The following HLA-DRB5 variants were observed in gnomAD, a reference collection of about 807,000 sequenced individuals.
HLA-DRB5 encodes the protein DR beta-5.
A neutral mutation model predicts 22.4 loss-of-function variants in HLA-DRB5; 11 were observed. The observed-to-expected ratio is 0.49, with a 90% CI of 0.31 to 0.81. The LOEUF is 0.81. Among genes scored for constraint, HLA-DRB5 ranks in the 40% least tolerant of loss-of-function variants. HLA-DRB5 has a pLI of 0.05. For synonymous variants in HLA-DRB5, 57 were observed against 106.0 expected, an observed-to-expected ratio of 0.54 and a Z score of 2.84; for missense variants, 106 against 274.4, an observed-to-expected ratio of 0.39 and a Z score of 4.34.
chr6:32,528,332 A>ACCT (rs1554269168), intron 1 of HLA-DRB5, among the ~76,000 whole-genome samples: 2,554 of 109,628 alleles, frequency 0.023, 230 homozygotes, highest in Admixed American at 0.046. Context: ...CTCTTGTGTA[A>ACCT]CCTTGAGAGT....
At chr6:32,526,814 T>C (rs112158862) in intron 1 of HLA-DRB5, among the ~76,000 whole-genome samples, 3,997 of 26,526 alleles carry the variant, frequency 0.15, 1,859 homozygotes, top group Middle Eastern at 0.46. Flanking sequence ...TCACTGCGCC[T>C]GGCCCACCAT....
chr6:32,522,614 A>T (rs149079064), intron 1 of HLA-DRB5, among the ~76,000 whole-genome samples: 1,114 of 29,450 alleles, frequency 0.038, 170 homozygotes, highest in Middle Eastern at 0.075. Context: ...ACCTTGTGCC[A>T]GGCTTGCACT....
intron 1 of HLA-DRB5, among the ~76,000 whole-genome samples, chr6:32,524,004 C>CA (rs1769281724): frequency 3.9e-5 from 1 of 25,520 alleles, no homozygotes; most frequent in African/African-American, 1.6e-4. Context: ...AAAAATTGCT[C>CA]AAACATTGCC....
chr6:32,523,906 G>A (rs796479700), intron 1 of HLA-DRB5, among the ~76,000 whole-genome samples: 3 of 82,934 alleles, frequency 3.6e-5, no homozygotes, highest in African/African-American at 4.1e-5. Context: ...TGTTGGTAAA[G>A]GAGGCTGTTC....
intron 1 of HLA-DRB5, among the ~76,000 whole-genome samples, chr6:32,529,194 G>GTCCACATTGTCTCA (rs1770016711): frequency 7.6e-6 from 1 of 132,366 alleles, no homozygotes; most frequent in African/African-American, 2.8e-5. Context: ...TATGAGATGT[G>GTCCACATTGTCTCA]AACAATGTCC....
Position 32,530,116 on chromosome 6 carries a change from T to C in HLA-DRB5, c.100+9A>G. ...CCATAGTAGCTCAGCACCCACAATG[T>C]GCACTTACGTCGGGTGTCCCCAGCC... On this transcript the variant is annotated intron_variant, in intron 1 of 5. Transcript: ENST00000374975. 2 of 1,536,016 alleles carry C rather than the reference T, an allele frequency of 1.3e-6. No homozygotes were observed. Among genetic ancestry groups the C allele is most frequent in the Non-Finnish European group, 8.9e-7 (1 of 1,118,132 alleles).
At chr6:32,524,433 T>C (rs1769336696) in intron 1 of HLA-DRB5, among the ~76,000 whole-genome samples, 1 of 123,568 alleles carries the variant, frequency 8.1e-6, no homozygotes, top group African/African-American at 3.1e-5. Flanking sequence ...TCTTTCAGTC[T>C]CCCACTCCCA....
intron 1 of HLA-DRB5, among the ~76,000 whole-genome samples, chr6:32,525,734 C>G (rs1769531434): frequency 1.4e-5 from 2 of 139,300 alleles, no homozygotes; most frequent in South Asian, 4.4e-4. Context: ...ACAGATACAG[C>G]AGGATCATTA....
intron 1 of HLA-DRB5, among the ~76,000 whole-genome samples, chr6:32,522,379 C>A (rs1253092587): frequency 3.2e-3 from 147 of 46,176 alleles, no homozygotes; most frequent in Admixed American, 6.1e-3. Context: ...GGCAGGAAAA[C>A]CCCTTCTGAT....
chr6:32,525,924 ACC>A (rs1336207310), intron 1 of HLA-DRB5, among the ~76,000 whole-genome samples: 2 of 39,250 alleles, frequency 5.1e-5, no homozygotes, highest in Middle Eastern at 0.019. Context: ...TGGCTGTGTG[ACC>A]TCTTCATGAG....
chr6:32,517,400 G>T lies in HLA-DRB5; in HGVS notation c.*339C>A. On this transcript the variant is annotated 3_prime_UTR_variant, in exon 6 of 6. Transcript: ENST00000374975. The stretch of plus-strand genomic sequence containing the variant: ...TTTTATTTTTTGTCTTTGGAGCCAG[G>T]TGGACAGATGATTTTTAACTCTGGG... 3.2e-5 allele frequency: 2 copies of T among 63,336 alleles called. 1 individual carries two copies. The highest frequency in any genetic ancestry group is 5.8e-5 in the Non-Finnish European group (2 of 34,242). 3.9% of individuals were successfully genotyped at this position (63,336 alleles called of 1,614,324 possible). A position where few individuals can be genotyped will look rare whatever the true frequency, so the allele number is the denominator to read the frequency against.
rs1447401618 is a variant in HLA-DRB5 at position 32,526,270 on chromosome 6, C to T, written c.100+3855G>A. On this transcript the variant is annotated intron_variant, in intron 1 of 5. Coordinates refer to ENST00000374975, the MANE Select transcript of HLA-DRB5 (RefSeq NM_002125.4). The stretch of plus-strand genomic sequence containing the variant: ...ACCCTCCTCTTAGTGGTACTCACCA[C>T]AATTGGCCTCTCCCTTCTCCTTGAA... Among the ~76,000 whole-genome samples, 21 of 41,812 alleles carry T rather than the reference C, an allele frequency of 5.0e-4. 8 individuals carry two copies. Among genetic ancestry groups the T allele is most frequent in the African/African-American group, 1.9e-3 (21 of 11,116 alleles). 27.4% of individuals were successfully genotyped at this position (41,812 alleles called of 152,430 possible).
At chr6:32,523,335 C>T (rs114795116) in intron 1 of HLA-DRB5, among the ~76,000 whole-genome samples, 3 of 42,768 alleles carry the variant, frequency 7.0e-5, no homozygotes, top group African/African-American at 1.8e-4. Context: ...TACATGTAAA[C>T]ATACATACAT....
Position 32,518,584 on chromosome 6 carries a change from C to A in HLA-DRB5, c.735G>T (p.Gly245=), listed in dbSNP as rs1173640402. The change falls in exon 4 of 6, where the codon GGG becomes GGT. Residue 245 remains glycine, a synonymous_variant. Coordinates refer to ENST00000374975, the MANE Select transcript of HLA-DRB5 (RefSeq NM_002125.4). ...TCTGATTCTTGAAGTAGATGAATAG[C>A]CCGGCCCCAAGGAAGAGCAGGCCCA... ...FVLGLLFLGA[G]LFIYFKNQKG... is the part of the protein sequence containing the mutation. The A allele has an allele frequency of 6.5e-5, 39 of 603,170 alleles. No homozygotes were observed. In the African/African-American group the frequency reaches 1.2e-3, roughly 19 times the overall value. 37.4% of individuals were successfully genotyped at this position (603,170 alleles called of 1,614,324 possible). A position where few individuals can be genotyped will look rare whatever the true frequency, so the allele number is the denominator to read the frequency against.
intron 1 of HLA-DRB5, among the ~76,000 whole-genome samples, chr6:32,524,905 T>G (rs1474855643): frequency 1.1e-3 from 31 of 28,304 alleles, no homozygotes; most frequent in East Asian, 2.0e-3. Context: ...AGGAACCTGT[T>G]TGTTATCTGA....
Position 32,519,469 on chromosome 6 carries a change from G to A in HLA-DRB5, c.553C>T (p.Gln185Ter), listed in dbSNP as rs778553230. ...GLIQNGDWTF[Q>*]TLVMLETVPR... Reference sequence around the variant, plus strand: ...ACTGTTTCCAGCATCACCAGGGTCTGGAAGGTCCAGTCTCCATTCTGAATC... The same window carrying A: ...ACTGTTTCCAGCATCACCAGGGTCTAGAAGGTCCAGTCTCCATTCTGAATC... Residue 185 changes from glutamine (Q) to a stop codon, truncating the protein, a stop_gained, in exon 3 of 6, where the codon CAG becomes TAG. Coordinates refer to ENST00000374975, the MANE Select transcript of HLA-DRB5 (RefSeq NM_002125.4). LOFTEE classifies it high-confidence loss of function. 2.2e-6 allele frequency: 3 copies of A among 1,380,270 alleles called. No individual in the cohort carries two copies. Among genetic ancestry groups the A allele is most frequent in the Non-Finnish European group, 3.0e-6 (3 of 1,011,710 alleles). The allele number at this position is 1,380,270 out of a possible 1,614,324, so 85.5% of individuals were successfully genotyped here.
intron 2 of HLA-DRB5, among the ~76,000 whole-genome samples, chr6:32,519,956 G>C (rs142125357): frequency 1.8e-4 from 12 of 65,542 alleles, no homozygotes; most frequent in Non-Finnish European, 3.5e-4. Flanking sequence ...ACCTGAGCCA[G>C]GTTGCCTGGC....
In HLA-DRB5 at chr6:32,518,483, A is replaced by G. The variant is rs1387468025; in HGVS notation, c.763+73T>C. 5 of 464,760 alleles carry G rather than the reference A, an allele frequency of 1.1e-5. 2 individuals are homozygous for G. The highest frequency in any genetic ancestry group is 1.8e-5 in the Non-Finnish European group (5 of 282,776). 28.8% of individuals were successfully genotyped at this position (464,760 alleles called of 1,614,324 possible). ...ATCCAGGGCCACTCATATACTGAGA[A>G]CTAACCTCAGCAAAGCCCTATTTCC... On this transcript the variant is annotated intron_variant, in intron 4 of 5. Coordinates refer to ENST00000374975, the MANE Select transcript of HLA-DRB5 (RefSeq NM_002125.4).
Position 32,519,361 on chromosome 6 carries a change from G to C in HLA-DRB5, c.652+9C>G. The C allele has an allele frequency of 8.5e-7, 1 of 1,178,490 alleles. No homozygotes were observed. Among genetic ancestry groups the C allele is most frequent in the Non-Finnish European group, 1.1e-6 (1 of 884,844 alleles). 73.0% of individuals were successfully genotyped at this position (1,178,490 alleles called of 1,614,324 possible). On this transcript the variant is annotated intron_variant, in intron 3 of 5. Transcript: ENST00000374975. ...GTTGAGAAATTTATGAAGTCAGAAA[G>C]CTGCTCACTCCATTCCACTGTGAGA... is the stretch of plus-strand genomic sequence containing the variant.
Sources: gnomAD v4.1 joint callset for allele counts (sites outside exome capture counted in the v4.1 genomes callset) on GRCh38, gnomAD v4.1.1 for gene constraint, MANE v1.5 for transcripts, NCBI Gene and HGNC (gene_info 2026-07-23, HGNC 2026-07-21) for gene names.